The following RGL1 variants were observed in gnomAD, a reference collection of about 807,000 sequenced individuals.
The protein encoded by RGL1 is ral guanine nucleotide dissociation stimulator like 1.
RGL1 carries 24 observed loss-of-function variants against 95.2 expected under a neutral mutation model. That is an observed-to-expected ratio of 0.25 (90% CI 0.18 to 0.35). The LOEUF (loss-of-function observed/expected upper bound fraction) is 0.35. RGL1 is among the 10% of genes least tolerant of loss of function. The probability of loss-of-function intolerance (pLI) is 1.00; values close to 1 mark genes in which losing one functional copy is unlikely to be tolerated. For missense variants in RGL1, 715 were observed against 936.3 expected (o/e 0.76, Z 3.08); for synonymous variants, 329 against 344.9 (o/e 0.95, Z 0.51).
At chr1:183,892,474 G>T (rs1008032172) in intron 9 of RGL1, among the ~76,000 whole-genome samples, 1 of 152,102 alleles carries the variant, frequency 6.6e-6, no homozygotes, top group African/African-American at 2.4e-5. Flanking sequence ...CAGTTAGGTG[G>T]GTGAGAGGCC....
chr1:183,778,454 T>C (rs1659714997), intron 2 of RGL1, among the ~76,000 whole-genome samples: 1 of 152,212 alleles, frequency 6.6e-6, no homozygotes, highest in South Asian at 2.1e-4. Context: ...GGGAAAACTG[T>C]ATACTATGTA....
At chr1:183,782,436 T>C (rs1264818673) in intron 2 of RGL1, among the ~76,000 whole-genome samples, 1 of 152,220 alleles carries the variant, frequency 6.6e-6, no homozygotes, top group African/African-American at 2.4e-5. Flanking sequence ...TAAAAGCACT[T>C]TGAAGCGTGT....
chr1:183,651,409 A>G (rs1650742010), intron 1 of RGL1, among the ~76,000 whole-genome samples: 1 of 152,184 alleles, frequency 6.6e-6, no homozygotes, highest in South Asian at 2.1e-4. Flanking sequence ...TGGAAGTGCT[A>G]TGTTCACCTT....
At position 183,872,327 on chromosome 1, in the gene RGL1, A is replaced by G. The variant is rs114240418; in HGVS notation, c.425+6254A>G. ...TGGCCATATCTCCCTCTCTCTATATATAACTTTATTTAAAGAGATTTAAAA... is the reference window on the plus strand; with the variant it reads ...TGGCCATATCTCCCTCTCTCTATATGTAACTTTATTTAAAGAGATTTAAAA... On this transcript the variant is annotated intron_variant, in intron 4 of 17. Transcript: ENST00000360851. Among the ~76,000 whole-genome samples the G allele has an allele frequency of 9.2e-3, 1,396 of 152,324 alleles. 19 individuals are homozygous for G. The highest frequency in any genetic ancestry group is 0.032 in the African/African-American group (1,310 of 41,574).
chr1:183,753,227 C>G (rs1658131616), intron 2 of RGL1, among the ~76,000 whole-genome samples: 1 of 152,176 alleles, frequency 6.6e-6, no homozygotes, highest in South Asian at 2.1e-4. Flanking sequence ...CCGTAATTCT[C>G]TCTTCAGCTT....
At chr1:183,748,237 T>G (rs1657766605) in intron 2 of RGL1, among the ~76,000 whole-genome samples, 2 of 152,054 alleles carry the variant, frequency 1.3e-5, no homozygotes, top group Non-Finnish European at 2.9e-5. Flanking sequence ...TTAGTCTGGC[T>G]AGTGGTCTAT....
intron 15 of RGL1, among the ~76,000 whole-genome samples, chr1:183,913,449 G>A (rs1668782780): frequency 6.6e-6 from 1 of 152,036 alleles, no homozygotes; most frequent in Admixed American, 6.5e-5. Context: ...ACCCACTTCG[G>A]CCTCCCAAAG....
In RGL1 at chr1:183,888,528, C is replaced by G; in HGVS notation, c.1006C>G (p.Gln336Glu). ...CTTGAGGGCCATCGTTTCGGCACTG[C>G]AGTCTAATTCCATCTATCGGTTAAA... The part of the protein sequence containing the change: ...SSLRAIVSAL[Q>E]SNSIYRLKKT... Residue 336 changes from glutamine to glutamate, a missense_variant, in exon 8 of 18, where the codon CAG (glutamine) becomes GAG (glutamate). Physicochemically the swap from Gln to Glu is conservative, Grantham distance 29. This residue lies in a region of RGL1 where 381 missense variants were observed against 484.8 expected (regional missense o/e 0.79). Transcript: ENST00000360851. 2 of 1,613,374 alleles carry G rather than the reference C, an allele frequency of 1.2e-6. No homozygotes were observed. Among genetic ancestry groups the G allele is most frequent in the Non-Finnish European group, 8.5e-7 (1 of 1,179,392 alleles).
rs562667357 is a variant in RGL1 at position 183,809,687 on chromosome 1, G to A, written c.138+3202G>A. Reference sequence around the variant, plus strand: ...GAGCCTAGCACAGTGGCTCATTCTTGTAATCCCAGCACTTTGAGAGGCCAA... The same window carrying A: ...GAGCCTAGCACAGTGGCTCATTCTTATAATCCCAGCACTTTGAGAGGCCAA... On this transcript the variant is annotated intron_variant, in intron 2 of 17. Transcript: ENST00000360851. 2.0e-5 allele frequency among the ~76,000 whole-genome samples: 3 copies of A among 152,306 alleles called. No individual in the cohort carries two copies. The East Asian group carries it at 5.8e-4, about 29-fold the overall frequency.
intron 2 of RGL1, among the ~76,000 whole-genome samples, chr1:183,776,230 G>A (rs1659591295): frequency 7.0e-6 from 1 of 143,152 alleles, no homozygotes; most frequent in African/African-American, 2.6e-5. Context: ...CTCACTGCAA[G>A]CTCCGCCTCC....
intron 1 of RGL1, among the ~76,000 whole-genome samples, chr1:183,654,716 A>G (rs1444707701): frequency 1.3e-5 from 2 of 152,310 alleles, no homozygotes; most frequent in East Asian, 1.9e-4. Flanking sequence ...CAAATGATAT[A>G]CCTATGGAAG....
intron 1 of RGL1, among the ~76,000 whole-genome samples, chr1:183,695,593 G>A (rs140935301): frequency 2.0e-5 from 3 of 152,302 alleles, no homozygotes; most frequent in African/African-American, 7.2e-5. Flanking sequence ...TATGTAATGT[G>A]TTTAAAAGGA....
At chr1:183,850,179 A>C (rs1664747142) in intron 3 of RGL1, among the ~76,000 whole-genome samples, 1 of 152,132 alleles carries the variant, frequency 6.6e-6, no homozygotes, top group South Asian at 2.1e-4. Context: ...TTTTCTGTGA[A>C]CTGCCTTTTC....
chr1:183,708,293 G>A (rs1465038429), intron 1 of RGL1, among the ~76,000 whole-genome samples: 2 of 152,110 alleles, frequency 1.3e-5, no homozygotes, highest in African/African-American at 4.8e-5. Context: ...TGGACGGCCG[G>A]AGGGAGATGA....
chr1:183,874,330 G>A (rs563026259), intron 4 of RGL1, among the ~76,000 whole-genome samples: 1 of 152,242 alleles, frequency 6.6e-6, no homozygotes, highest in East Asian at 1.9e-4. Flanking sequence ...TGATAAAAAT[G>A]AAAATATTTC....
chr1:183,739,957 T>A (rs1308034677), intron 1 of RGL1, among the ~76,000 whole-genome samples: 2 of 152,220 alleles, frequency 1.3e-5, no homozygotes, highest in African/African-American at 4.8e-5. Context: ...TGTTCCATTG[T>A]TCCCATGAGA....
At chr1:183,747,046 A>G (rs556079005) in intron 2 of RGL1, among the ~76,000 whole-genome samples, 1 of 152,148 alleles carries the variant, frequency 6.6e-6, no homozygotes, top group South Asian at 2.1e-4. Context: ...TTCTTTTTCC[A>G]GTCTACCATT....
At chr1:183,657,065 A>G (rs1261811669) in intron 1 of RGL1, among the ~76,000 whole-genome samples, 2 of 150,890 alleles carry the variant, frequency 1.3e-5, no homozygotes, top group Non-Finnish European at 3.0e-5. Flanking sequence ...GTAGTTCCAT[A>G]TGAATTTTAG....
intron 2 of RGL1, among the ~76,000 whole-genome samples, chr1:183,823,724 A>G (rs187221893): frequency 1.4e-4 from 22 of 152,334 alleles, no homozygotes; most frequent in East Asian, 1.2e-3. Context: ...AATGAATATC[A>G]TGTCTGTAGC....
Sources: allele counts gnomAD v4.1 joint callset (sites outside exome capture counted in the v4.1 genomes callset), GRCh38; gene constraint gnomAD v4.1.1; regional missense constraint gnomAD v4.1.1; transcripts MANE v1.5; gene names NCBI Gene and HGNC (gene_info 2026-07-23, HGNC 2026-07-21).